ZNF106: variants seen among roughly 807,000 people sequenced by gnomAD.
The protein encoded by ZNF106 is zinc finger protein 106.
ZNF106 carries 67 observed loss-of-function variants against 195.1 expected under a neutral mutation model. The ratio of observed to expected loss-of-function variants is 0.34; its 90% CI spans 0.28 to 0.42. The LOEUF is 0.42. Among genes scored for constraint, ZNF106 ranks in the 10% least tolerant of loss-of-function variants. ZNF106 has a pLI of 1.00. For synonymous variants in ZNF106, 784 were observed against 818.6 expected (o/e 0.96, Z 0.72); for missense variants, 2,118 against 2,304.5 (o/e 0.92, Z 1.66).
intron 10 of ZNF106, among the ~76,000 whole-genome samples, chr15:42,441,267 CAGG>C (rs2055527091): frequency 6.6e-6 from 1 of 150,850 alleles, no homozygotes; most frequent in African/African-American, 2.4e-5. Context: ...CAACTGAGCC[CAGG>C]AGGTCAAGCC....
intron 9 of ZNF106, 130 bp downstream of exon 9, chr15:42,444,072 A>G: frequency 1.6e-6 from 1 of 606,206 alleles, no homozygotes; most frequent in Non-Finnish European, 2.7e-6. Flanking sequence ...AGATTGCACC[A>G]CTGCACTCCA....
chr15:42,422,642 A>G, intron 17 of ZNF106, 22 bp from the exon 18 acceptor site: 3 of 1,589,210 alleles, frequency 1.9e-6, no homozygotes, highest in Non-Finnish European at 1.7e-6. Context: ...GAGAAGTAAG[A>G]GTCACCAGAC....
intron 20 of ZNF106, among the ~76,000 whole-genome samples, chr15:42,418,161 ATATTTTGAG>A (rs2054523300): frequency 6.6e-6 from 1 of 152,212 alleles, no homozygotes; most frequent in Non-Finnish European, 1.5e-5. Context: ...AAATCTTTTG[ATATTTTGAG>A]AGGGCACAGC....
At position 42,421,054 on chromosome 15, in the gene ZNF106, T is replaced by G; in HGVS notation, c.5517+7A>C. On this transcript the variant is annotated splice_region_variant and intron_variant, in intron 20 of 21. Coordinates refer to ENST00000564754, the MANE Select transcript of ZNF106 (RefSeq NM_001366845.3). ...AGTCCAGTGACAGGAAGAGTTTCAC[T>G]CCTTACCCAACAGCGGTAATTCTGC... is the stretch of plus-strand genomic sequence containing the variant. The G allele has an allele frequency of 6.2e-7, 1 of 1,613,956 alleles. No homozygotes were observed. The highest frequency in any genetic ancestry group is 8.5e-7 in the Non-Finnish European group (1 of 1,179,844).
chr15:42,424,994 T>C lies in ZNF106; in HGVS notation c.5030A>G (p.His1677Arg). 6.2e-7 allele frequency: 1 copy of C among 1,614,194 alleles called. No individual in the cohort carries two copies. Among genetic ancestry groups the C allele is most frequent in the Non-Finnish European group, 8.5e-7 (1 of 1,180,024 alleles). ...NNKRLEIFEC[H>R]GPRAVSCLAT... ...AAGACAGCTGACTGCCCGAGGGCCA[T>C]GGCATTCAAAGATCTCAAGTCGTTT... is the stretch of plus-strand genomic sequence containing the variant. The change falls in exon 16 of 22, where the codon CAT becomes CGT. Residue 1677 changes from histidine to arginine, a missense_variant. Transcript: ENST00000564754.
At chr15:42,435,670 T>C in intron 13 of ZNF106, 152 bp from the exon 14 acceptor site, 4 of 917,318 alleles carry the variant, frequency 4.4e-6, no homozygotes, top group Non-Finnish European at 6.6e-6. Flanking sequence ...GCTCAGTAAA[T>C]GTATGTTCAC....
At chr15:42,472,616 C>T (rs183166150) in intron 1 of ZNF106, among the ~76,000 whole-genome samples, 85 of 152,302 alleles carry the variant, frequency 5.6e-4, no homozygotes, top group African/African-American at 2.0e-3. Context: ...TACCCTACTA[C>T]TGAAACGACT....
intron 9 of ZNF106, among the ~76,000 whole-genome samples, chr15:42,443,080 C>T (rs967101812): frequency 6.6e-6 from 1 of 151,988 alleles, no homozygotes; most frequent in African/African-American, 2.4e-5. Flanking sequence ...ATTGCCCAGG[C>T]TGGTCTCAAA....
At chr15:42,462,852 T>C (rs919714765) in intron 3 of ZNF106, among the ~76,000 whole-genome samples, 4 of 152,152 alleles carry the variant, frequency 2.6e-5, no homozygotes, top group Non-Finnish European at 4.4e-5. Flanking sequence ...GGCACAATCA[T>C]AGCTCACTGC....
At chr15:42,435,859 C>T (rs2055253883) in intron 13 of ZNF106, among the ~76,000 whole-genome samples, 1 of 152,150 alleles carries the variant, frequency 6.6e-6, no homozygotes, top group Non-Finnish European at 1.5e-5. Flanking sequence ...AGCTAATTTC[C>T]CACAAAAGAT....
intron 8 of ZNF106, 48 bp from the exon 9 acceptor site, chr15:42,444,310 G>T: frequency 7.1e-7 from 1 of 1,415,232 alleles, no homozygotes. Flanking sequence ...AACTTGTAAG[G>T]TCCTCTAGGT....
chr15:42,473,087 CTGAAATG>C (rs1048093678), intron 1 of ZNF106, among the ~76,000 whole-genome samples: 1 of 151,332 alleles, frequency 6.6e-6, no homozygotes, highest in Non-Finnish European at 1.5e-5. Flanking sequence ...AATCTGAAAT[CTGAAATG>C]ATCCAAAACC....
intron 17 of ZNF106, 47 bp downstream of exon 17, chr15:42,423,951 C>T: frequency 6.5e-7 from 1 of 1,545,564 alleles, no homozygotes; most frequent in Non-Finnish European, 8.8e-7. Context: ...CAAGCTTTAA[C>T]CATTATTTTA....
At chr15:42,424,210 C>G in intron 16 of ZNF106, 150 bp from the exon 17 acceptor site, 1 of 636,172 alleles carries the variant, frequency 1.6e-6, no homozygotes, top group Non-Finnish European at 2.7e-6. Flanking sequence ...TGAATTTTCT[C>G]AGCTGAAACT....
At chr15:42,445,659 T>A (rs1027591110) in intron 7 of ZNF106, among the ~76,000 whole-genome samples, 11 of 152,214 alleles carry the variant, frequency 7.2e-5, no homozygotes, top group African/African-American at 2.4e-4. Flanking sequence ...AGGGAATTCA[T>A]CATCTTTCTC....
chr15:42,457,083 G>A lies in ZNF106; in HGVS notation c.192C>T (p.Gly64=), dbSNP rs2056253269. The change falls in exon 4 of 22, where the codon GGC becomes GGT. Residue 64 remains glycine (G), a synonymous_variant. Transcript: ENST00000564754. The stretch of plus-strand genomic sequence containing the variant: ...CATCAACGTTATCTTTGTGCAACTG[G>A]CCAGAAATGTGCTTTGCATATGCAG... ...GLSAYAKHIS[G]QLHKDNVDAQ... 1.2e-6 allele frequency: 2 copies of A among 1,613,094 alleles called. No individual in the cohort carries two copies. The highest frequency in any genetic ancestry group is 2.2e-5 in the East Asian group (1 of 44,824).
Position 42,415,536 on chromosome 15 carries a change from T to C in ZNF106, c.*1768A>G, listed in dbSNP as rs1595854696. 2 of 453,944 alleles carry C rather than the reference T, an allele frequency of 4.4e-6. No individual in the cohort carries two copies. Among genetic ancestry groups the C allele is most frequent in the Non-Finnish European group, 8.9e-6 (2 of 225,954 alleles). The allele number at this position is 453,944 out of a possible 1,614,324, so 28.1% of individuals were successfully genotyped here. ...AATTTCTGGGGGCTCACAGACCCTC[T>C]TGAAGCCTATCCATAAACCCCCTGG... On this transcript the variant is annotated 3_prime_UTR_variant, in exon 22 of 22. Transcript: ENST00000564754.
At chr15:42,420,229 G>C (rs763838447) in intron 20 of ZNF106, among the ~76,000 whole-genome samples, 1 of 152,054 alleles carries the variant, frequency 6.6e-6, no homozygotes, top group South Asian at 2.1e-4. Flanking sequence ...ACATTATTCT[G>C]AGCAGTGTGA....
chr15:42,484,645 C>A (rs903578550), intron 1 of ZNF106, among the ~76,000 whole-genome samples: 1 of 152,120 alleles, frequency 6.6e-6, no homozygotes, highest in South Asian at 2.1e-4. Context: ...AGCTTACGCA[C>A]GAGAATTGCT....
Sources: gnomAD v4.1 joint callset for allele counts (sites outside exome capture counted in the v4.1 genomes callset) on GRCh38, gnomAD v4.1.1 for gene constraint, MANE v1.5 for transcripts, NCBI Gene and HGNC (gene_info 2026-07-23, HGNC 2026-07-21) for gene names.